Variants in CA1 observed in about 807,000 individuals in gnomAD.
The protein encoded by CA1 is carbonic anhydrase 1.
In CA1, 27 loss-of-function variants were observed where a neutral mutation model predicts 28.8. That is an observed-to-expected ratio of 0.94 (90% CI 0.69 to 1.29). The LOEUF is 1.29. Ranked by LOEUF, CA1 falls within the 50% of genes most tolerant of loss-of-function variation. The pLI, the probability that CA1 is intolerant of heterozygous loss-of-function variation, is 0.00. For synonymous variants in CA1, 121 were observed against 108.8 expected, an observed-to-expected ratio of 1.11 and a Z score of -0.70; for missense variants, 335 against 310.5, an observed-to-expected ratio of 1.08 and a Z score of -0.59.
chr8:85,342,911 G>A (rs1005104015), intron 1 of CA1: 5 of 152,146 alleles, frequency 3.3e-5, no homozygotes, highest in African/African-American at 9.7e-5. Flanking sequence ...GTGATGGTTC[G>A]TTGTCTCATA....
chr8:85,335,263 C>G (rs1195985860), intron 4 of CA1, among the ~76,000 whole-genome samples: 3 of 152,014 alleles, frequency 2.0e-5, no homozygotes, highest in Non-Finnish European at 4.4e-5. Flanking sequence ...CCTATACTTC[C>G]CTGCTTGAAA....
chr8:85,374,365 G>A (rs1440280966), intron 1 of CA1, among the ~76,000 whole-genome samples: 1 of 152,082 alleles, frequency 6.6e-6, no homozygotes, highest in Non-Finnish European at 1.5e-5. Flanking sequence ...AGATATTTCA[G>A]TCTTATTTCA....
Position 85,362,940 on chromosome 8 carries a change from A to G in CA1, c.-25+15106T>C, listed in dbSNP as rs748950348. 1.4e-4 allele frequency among the ~76,000 whole-genome samples: 22 copies of G among 152,358 alleles called. 1 individual carries two copies. The highest frequency in any genetic ancestry group is 6.8e-3 in the Middle Eastern group (2 of 294). ...GTGTAGTTTGGCAGAATGATTATCA[A>G]TATAGTCATCTGTGTGAACTGCTTA... On this transcript the variant is annotated intron_variant, in intron 1 of 7. Coordinates refer to ENST00000523022, the MANE Select transcript of CA1 (RefSeq NM_001128831.4).
chr8:85,355,039 A>G (rs951072280), intron 1 of CA1, among the ~76,000 whole-genome samples: 2 of 152,128 alleles, frequency 1.3e-5, no homozygotes, highest in South Asian at 2.1e-4. Context: ...GTCAGGATGT[A>G]TGTCCCTGCT....
chr8:85,350,427 T>C (rs949057352), intron 1 of CA1, among the ~76,000 whole-genome samples: 2 of 152,318 alleles, frequency 1.3e-5, no homozygotes, highest in South Asian at 2.1e-4. Flanking sequence ...AATGAAAGGC[T>C]CTTAATTGCA....
intron 1 of CA1, among the ~76,000 whole-genome samples, chr8:85,355,626 C>A (rs1413102022): frequency 1.3e-5 from 2 of 148,672 alleles, no homozygotes; most frequent in African/African-American, 2.5e-5. Context: ...GTCTTGAACT[C>A]CTGGGCTCCA....
chr8:85,371,241 A>G (rs968382706), intron 1 of CA1, among the ~76,000 whole-genome samples: 1 of 152,072 alleles, frequency 6.6e-6, no homozygotes, highest in African/African-American at 2.4e-5. Context: ...TCATACCACA[A>G]ATTGTTTCAA....
At chr8:85,347,808 A>G (rs1173488038) in intron 1 of CA1, among the ~76,000 whole-genome samples, 1 of 152,192 alleles carries the variant, frequency 6.6e-6, no homozygotes, top group African/African-American at 2.4e-5. Flanking sequence ...CTTTTATAGT[A>G]AATAACAAAA....
chr8:85,356,004 G>A (rs1809593919), intron 1 of CA1, among the ~76,000 whole-genome samples: 1 of 152,108 alleles, frequency 6.6e-6, no homozygotes. Flanking sequence ...CAAATGAGGA[G>A]ATTGAAATTG....
chr8:85,374,270 T>A (rs1810329437), intron 1 of CA1, among the ~76,000 whole-genome samples: 1 of 152,138 alleles, frequency 6.6e-6, no homozygotes, highest in Non-Finnish European at 1.5e-5. Flanking sequence ...CTCTAAGAGC[T>A]TTTATCTATA....
At position 85,328,691 on chromosome 8, in the gene CA1, T is replaced by C; in HGVS notation, c.670-15A>G. The stretch of plus-strand genomic sequence containing the variant: ...AATTGTGCCAGCTAGAAGGATAAAA[T>C]ATTTTAAAAATAAAAAGTTTTTAAA... On this transcript the variant is annotated splice_polypyrimidine_tract_variant and intron_variant, in intron 7 of 7. Transcript: ENST00000523022. 6.6e-7 allele frequency: 1 copy of C among 1,521,708 alleles called. No homozygotes were observed. The highest frequency in any genetic ancestry group is 1.4e-5 in the African/African-American group (1 of 72,970). The allele number at this position is 1,521,708 out of a possible 1,614,324, so 94.3% of individuals were successfully genotyped here.
chr8:85,335,785 C>T (rs1017876952), intron 4 of CA1, among the ~76,000 whole-genome samples: 24 of 152,082 alleles, frequency 1.6e-4, no homozygotes, highest in African/African-American at 5.6e-4. Context: ...AATCTACCTT[C>T]AATTTTATGG....
intron 1 of CA1, among the ~76,000 whole-genome samples, chr8:85,360,500 C>T (rs984542996): frequency 1.3e-5 from 2 of 151,950 alleles, no homozygotes; most frequent in East Asian, 3.9e-4. Context: ...CAGACCAGCC[C>T]GGGCAACATG....
intron 4 of CA1, among the ~76,000 whole-genome samples, chr8:85,335,821 C>T (rs114895590): frequency 0.015 from 2,212 of 152,210 alleles, 54 homozygotes; most frequent in African/African-American, 0.05. Flanking sequence ...TAACAGATTT[C>T]TGCAGCATTG....
chr8:85,355,970 C>G (rs1809592733), intron 1 of CA1, among the ~76,000 whole-genome samples: 2 of 151,920 alleles, frequency 1.3e-5, no homozygotes, highest in African/African-American at 2.4e-5. Context: ...AACGTGTGGA[C>G]TGAATATAAC....
In CA1 at chr8:85,341,677, A is replaced by G. The variant is rs759194503; in HGVS notation, c.-24-18T>C. The G allele has an allele frequency of 9.1e-6, 12 of 1,312,708 alleles. No homozygotes were observed. The highest frequency in any genetic ancestry group is 1.3e-5 in the Non-Finnish European group (12 of 905,700). 81.3% of individuals were successfully genotyped at this position (1,312,708 alleles called of 1,614,324 possible). ...TTCTTTTTCTGAAAACAAAAATAATACCTGGAATAACTAACTGCAACTGTG... is the reference window on the plus strand; with the variant it reads ...TTCTTTTTCTGAAAACAAAAATAATGCCTGGAATAACTAACTGCAACTGTG... On this transcript the variant is annotated intron_variant, in intron 1 of 7. Coordinates refer to ENST00000523022, the MANE Select transcript of CA1 (RefSeq NM_001128831.4).
chr8:85,328,586 C>A lies in CA1; in HGVS notation c.760G>T (p.Gly254Cys). The change falls in exon 8 of 8, where the codon GGC (glycine) becomes TGC (cysteine). Residue 254 changes from glycine to cysteine, a missense_variant. Gly to Cys is a radical substitution (Grantham distance 159). Transcript: ENST00000523022. ...HNNRPTQPLK[G>C]RTVRASF ...CAAAATGAAGCTCTCACTGTTCTGC[C>A]CTTCAGAGGTTGGGTTGGGCGGTTG... is the stretch of plus-strand genomic sequence containing the variant. 1 of 1,609,252 alleles carries A rather than the reference C, an allele frequency of 6.2e-7. No individual in the cohort carries two copies.
chr8:85,375,321 C>T (rs114765867), intron 1 of CA1, among the ~76,000 whole-genome samples: 3,225 of 152,228 alleles, frequency 0.021, 118 homozygotes, highest in African/African-American at 0.072. Flanking sequence ...GGAAAGAAGG[C>T]TTCGGAGGGA....
In CA1 at chr8:85,339,042, G is replaced by A. The variant is rs75672591; in HGVS notation, c.38-593C>T. Among the ~76,000 whole-genome samples, 123 of 152,098 alleles carry A rather than the reference G, an allele frequency of 8.1e-4. 1 individual carries two copies. In the East Asian group the frequency reaches 0.02, roughly 25 times the overall value. ...CTTTTCTATATTGTACTATAAAATAGTGTATTTGTCAATACTACTAATATA... is the reference window on the plus strand; with the variant it reads ...CTTTTCTATATTGTACTATAAAATAATGTATTTGTCAATACTACTAATATA... On this transcript the variant is annotated intron_variant, in intron 2 of 7. Coordinates refer to ENST00000523022, the MANE Select transcript of CA1 (RefSeq NM_001128831.4).
Sources: allele counts gnomAD v4.1 joint callset (sites outside exome capture counted in the v4.1 genomes callset), GRCh38; gene constraint gnomAD v4.1.1; transcripts MANE v1.5; gene names NCBI Gene and HGNC (gene_info 2026-07-23, HGNC 2026-07-21).